Variants in HMCN1 observed in about 807,000 individuals in gnomAD.
The protein encoded by HMCN1 is hemicentin 1.
A neutral mutation model predicts 625.9 loss-of-function variants in HMCN1; 321 were observed. That is an observed-to-expected ratio of 0.51 (90% CI 0.47 to 0.56). The LOEUF (loss-of-function observed/expected upper bound fraction) is 0.56, where lower values mean the gene tolerates loss of function less well. Ranked by LOEUF, HMCN1 falls within the 20% of genes least tolerant of loss-of-function variation. HMCN1 has a pLI of 0.00. For missense variants in HMCN1, 6,588 were observed against 6,887.3 expected (o/e 0.96, Z 1.54); for synonymous variants, 2,425 against 2,417.6 (o/e 1.00, Z -0.09).
At position 185,793,492 on chromosome 1, in the gene HMCN1, C is replaced by A. The variant is rs1352115630; in HGVS notation, c.269-52534C>A. 2.0e-5 allele frequency among the ~76,000 whole-genome samples: 3 copies of A among 152,266 alleles called. No individual in the cohort carries two copies. In the East Asian group the frequency reaches 5.8e-4, roughly 29 times the overall value. Reference sequence around the variant, plus strand: ...CAGGATAATCTCCTCATCTCAAGATCCTGAATTTAATCATATTGGCAAAGT... The same window carrying A: ...CAGGATAATCTCCTCATCTCAAGATACTGAATTTAATCATATTGGCAAAGT... On this transcript the variant is annotated intron_variant, in intron 1 of 106. Transcript: ENST00000271588.
chr1:186,053,047 C>T lies in HMCN1; in HGVS notation c.6673C>T (p.Pro2225Ser), dbSNP rs745724033. Residue 2225 changes from proline to serine, a missense_variant, in exon 43 of 107, where the codon CCC becomes TCC. By Grantham distance (74) the Pro-to-Ser change is moderately conservative. Coordinates refer to ENST00000271588, the MANE Select transcript of HMCN1 (RefSeq NM_031935.3). Reference sequence around the variant, plus strand: ...GTTGTGTGAATCAAGTGGTATTCCACCCCCAAATCTCATCTGGAAGAAGAA... The same window carrying T: ...GTTGTGTGAATCAAGTGGTATTCCATCCCCAAATCTCATCTGGAAGAAGAA... ...SLLCESSGIP[P>S]PNLIWKKKGS... 2 of 1,609,730 alleles carry T rather than the reference C, an allele frequency of 1.2e-6. No individual in the cohort carries two copies. The highest frequency in any genetic ancestry group is 1.7e-6 in the Non-Finnish European group (2 of 1,176,868).
At chr1:185,835,895 G>A (rs1235679633) in intron 1 of HMCN1, among the ~76,000 whole-genome samples, 2 of 152,038 alleles carry the variant, frequency 1.3e-5, no homozygotes, top group African/African-American at 4.8e-5. Flanking sequence ...TCTGAACAGT[G>A]TTTCATTTCA....
chr1:185,980,792 G>C (rs1236359904), intron 16 of HMCN1, among the ~76,000 whole-genome samples, 186 bp from the exon 17 acceptor site: 1 of 152,166 alleles, frequency 6.6e-6, no homozygotes, highest in Non-Finnish European at 1.5e-5. Flanking sequence ...TGCTTCCAGA[G>C]CTCACTGTCT....
chr1:186,042,692 G>A (rs991868515), intron 40 of HMCN1, among the ~76,000 whole-genome samples: 1 of 152,118 alleles, frequency 6.6e-6, no homozygotes, highest in Admixed American at 6.6e-5. Context: ...TATACATGCA[G>A]CAAGCTGCTG....
intron 38 of HMCN1, among the ~76,000 whole-genome samples, chr1:186,039,490 A>T (rs1167012111): frequency 6.6e-6 from 1 of 152,150 alleles, no homozygotes; most frequent in Non-Finnish European, 1.5e-5. Flanking sequence ...TTTTTTTAAC[A>T]AACTGGCAAA....
chr1:185,885,816 C>A (rs1050363789), intron 4 of HMCN1, among the ~76,000 whole-genome samples: 6 of 152,024 alleles, frequency 3.9e-5, no homozygotes, highest in African/African-American at 1.4e-4. Flanking sequence ...ATTCATAACA[C>A]TTCCAAGGAA....
Position 186,015,447 on chromosome 1 carries a change from A to C in HMCN1, c.4909+10A>C, listed in dbSNP as rs550902979. ...CATGTGGATGTCTATGGTGAGGAAC[A>C]ACATATGCTTTAATTATATACCTTT... is the stretch of plus-strand genomic sequence containing the variant. On this transcript the variant is annotated intron_variant, in intron 31 of 106. Transcript: ENST00000271588. 3 of 1,612,174 alleles carry C rather than the reference A, an allele frequency of 1.9e-6. No individual in the cohort carries two copies. Among genetic ancestry groups the C allele is most frequent in the Non-Finnish European group, 2.5e-6 (3 of 1,178,654 alleles).
chr1:186,086,507 T>G lies in HMCN1; in HGVS notation c.9046+100T>G. 3.2e-6 allele frequency: 4 copies of G among 1,243,172 alleles called. No individual in the cohort carries two copies. In the South Asian group the frequency reaches 5.1e-5, roughly 16 times the overall value. The allele number at this position is 1,243,172 out of a possible 1,614,324, so 77.0% of individuals were successfully genotyped here. On this transcript the variant is annotated intron_variant, in intron 58 of 106. Coordinates refer to ENST00000271588, the MANE Select transcript of HMCN1 (RefSeq NM_031935.3). ...TGTATTTCCAAACTTTTGTCGTGCT[T>G]CATTTATTTATTCACAGTAAATGCC... is the stretch of plus-strand genomic sequence containing the variant.
intron 17 of HMCN1, among the ~76,000 whole-genome samples, chr1:185,981,283 A>G (rs948781801): frequency 6.6e-6 from 1 of 152,102 alleles, no homozygotes; most frequent in Admixed American, 6.6e-5. Flanking sequence ...AATGAAGGGC[A>G]ATTTAAATAA....
At chr1:185,952,790 G>A (rs1448817631) in intron 11 of HMCN1, among the ~76,000 whole-genome samples, 1 of 151,656 alleles carries the variant, frequency 6.6e-6, no homozygotes, top group Non-Finnish European at 1.5e-5. Context: ...TAGTGAAGGA[G>A]GCAAGCCTAG....
In HMCN1 at chr1:186,161,537, A is replaced by T. The variant is rs1033941550; in HGVS notation, c.15257-3574A>T. ...GTCTTGATGGTCTTTACATTTTGGC[A>T]TGATTTTGCAGCAGCTGGTACCAGT... On this transcript the variant is annotated intron_variant, in intron 97 of 106. Transcript: ENST00000271588. Among the ~76,000 whole-genome samples, 43 of 151,892 alleles carry T rather than the reference A, an allele frequency of 2.8e-4. 1 individual carries two copies. Among genetic ancestry groups the T allele is most frequent in the African/African-American group, 9.2e-4 (38 of 41,170 alleles).
intron 6 of HMCN1, among the ~76,000 whole-genome samples, chr1:185,920,912 A>G (rs1666974154): frequency 6.6e-6 from 1 of 152,210 alleles, no homozygotes; most frequent in South Asian, 2.1e-4. Context: ...AACTCACCGT[A>G]AGATCAAGCA....
intron 2 of HMCN1, among the ~76,000 whole-genome samples, chr1:185,855,936 T>A (rs1662438213): frequency 6.6e-6 from 1 of 152,186 alleles, no homozygotes. Flanking sequence ...TTATTTAGAT[T>A]TTGGAGATTT....
intron 36 of HMCN1, among the ~76,000 whole-genome samples, chr1:186,029,327 T>C (rs1275007017): frequency 6.6e-6 from 1 of 152,168 alleles, no homozygotes; most frequent in Non-Finnish European, 1.5e-5. Context: ...TGGGTGCTTC[T>C]TGATCCCAGT....
intron 80 of HMCN1, among the ~76,000 whole-genome samples, chr1:186,121,230 T>C (rs1396498328): frequency 1.3e-5 from 2 of 152,128 alleles, no homozygotes; most frequent in East Asian, 3.9e-4. Flanking sequence ...GGCCCATGCA[T>C]GGATGGCATG....
At chr1:185,935,229 G>A (rs1019015987) in intron 11 of HMCN1, among the ~76,000 whole-genome samples, 4 of 151,316 alleles carry the variant, frequency 2.6e-5, no homozygotes, top group South Asian at 2.1e-4. Flanking sequence ...CCACGTTAAC[G>A]TTATAGTCCA....
chr1:185,864,739 TC>T, intron 3 of HMCN1, 111 bp downstream of exon 3: 1 of 950,692 alleles, frequency 1.1e-6, no homozygotes, highest in Non-Finnish European at 1.7e-6. Context: ...TAACTATCTA[TC>T]CACATGTATG....
At chr1:186,062,113 T>A (rs1256186990) in intron 47 of HMCN1, 149 bp downstream of exon 47, 2 of 610,392 alleles carry the variant, frequency 3.3e-6, no homozygotes, top group East Asian at 5.5e-5. Flanking sequence ...ATCAGAATTG[T>A]TTGGAGGTAA....
chr1:185,875,071 A>G (rs1663847664), intron 4 of HMCN1, among the ~76,000 whole-genome samples: 1 of 152,082 alleles, frequency 6.6e-6, no homozygotes, highest in East Asian at 1.9e-4. Context: ...TTAAAAGTAT[A>G]TGTCTGGTAA....
Sources: allele counts gnomAD v4.1 joint callset (sites outside exome capture counted in the v4.1 genomes callset), GRCh38; gene constraint gnomAD v4.1.1; transcripts MANE v1.5; gene names NCBI Gene and HGNC (gene_info 2026-07-23, HGNC 2026-07-21).